The following HUS1 variants were observed in gnomAD, a reference collection of about 807,000 sequenced individuals.
The protein encoded by HUS1 is checkpoint protein HUS1.
HUS1 carries 31 observed loss-of-function variants against 32.6 expected under a neutral mutation model. The observed-to-expected ratio is 0.95, with a 90% CI of 0.72 to 1.28. The LOEUF (loss-of-function observed/expected upper bound fraction) is 1.28. HUS1 is among the 50% of genes most tolerant of loss of function. The pLI, the probability that HUS1 is intolerant of heterozygous loss-of-function variation, is 0.00. For synonymous variants in HUS1, 123 were observed against 116.6 expected (o/e 1.06, Z -0.36); for missense variants, 340 against 337.7 (o/e 1.01, Z -0.05).
At position 47,963,544 on chromosome 7, in the gene HUS1, G is replaced by C. The variant is rs771877914; in HGVS notation, c.*1812C>G. Reference sequence around the variant, plus strand: ...ATTTCGTTACAATGAGAGGAGGAAGGGTTTAAAAATTAAAACGGTGTCTTC... The same window carrying C: ...ATTTCGTTACAATGAGAGGAGGAAGCGTTTAAAAATTAAAACGGTGTCTTC... On this transcript the variant is annotated 3_prime_UTR_variant, in exon 8 of 8. Coordinates refer to ENST00000258774, the MANE Select transcript of HUS1 (RefSeq NM_004507.4). The C allele has an allele frequency of 6.6e-6, 1 of 151,968 alleles. No individual in the cohort carries two copies. The highest frequency in any genetic ancestry group is 2.4e-5 in the African/African-American group (1 of 41,352). The allele number at this position is 151,968 out of a possible 1,614,324, so 9.4% of individuals were successfully genotyped here.
intron 5 of HUS1, among the ~76,000 whole-genome samples, chr7:47,974,083 T>C (rs1379519387): frequency 6.6e-6 from 1 of 152,218 alleles, no homozygotes; most frequent in Non-Finnish European, 1.5e-5. Flanking sequence ...AATGACAGCA[T>C]TGCTCTTAGT....
At chr7:47,973,177 T>A (rs1400123564) in intron 5 of HUS1, among the ~76,000 whole-genome samples, 2 of 152,232 alleles carry the variant, frequency 1.3e-5, no homozygotes, top group African/African-American at 4.8e-5. Context: ...TACAGGACTG[T>A]GAGTCAATTA....
intron 1 of HUS1, 144 bp from the exon 2 acceptor site, chr7:47,978,960 A>C: frequency 1.3e-6 from 1 of 750,712 alleles, no homozygotes; most frequent in Non-Finnish European, 2.2e-6. Context: ...AAAGTACTTT[A>C]ATACCCCTGA....
intron 5 of HUS1, among the ~76,000 whole-genome samples, chr7:47,970,719 G>T (rs1178679292): frequency 2.0e-5 from 3 of 152,168 alleles, no homozygotes; most frequent in Non-Finnish European, 4.4e-5. Flanking sequence ...CAATTGGATT[G>T]AAAGAAAAAT....
chr7:47,968,890 G>GT (rs72565167), intron 6 of HUS1: 101,548 of 214,342 alleles, frequency 0.47, 25,039 homozygotes, highest in East Asian at 0.53. Flanking sequence ...TCCATGCCAG[G>GT]TGAGAAATAG....
intron 6 of HUS1, among the ~76,000 whole-genome samples, chr7:47,968,444 TA>T (rs1191018103): frequency 1.3e-5 from 2 of 152,222 alleles, no homozygotes; most frequent in Non-Finnish European, 2.9e-5. Context: ...TGCTCTTAAC[TA>T]GAAAGTAAAA....
rs1159182312 is a variant in HUS1, at chr7:47,963,368, A to AT, written c.*1987dup. ...GCCATTCATTAAAATCTTCAAAATT[A>AT]TATGTATTTGATAATAAACATCACA... On this transcript the variant is annotated 3_prime_UTR_variant, in exon 8 of 8. Transcript: ENST00000258774. 2 of 152,256 alleles carry AT rather than the reference A, an allele frequency of 1.3e-5. No homozygotes were observed. Among genetic ancestry groups the AT allele is most frequent in the Non-Finnish European group, 2.9e-5 (2 of 68,050 alleles). 9.4% of individuals were successfully genotyped at this position (152,256 alleles called of 1,614,324 possible).
chr7:47,965,641 CGAG>C (rs1240385477), intron 7 of HUS1, among the ~76,000 whole-genome samples: 1 of 152,158 alleles, frequency 6.6e-6, no homozygotes, highest in South Asian at 2.1e-4. Flanking sequence ...GCTCCCTGTG[CGAG>C]GAGAGGAAAA....
At position 47,965,421 on chromosome 7, in the gene HUS1, T is replaced by G; in HGVS notation, c.778A>C (p.Met260Leu). ...TCATGAAGCAGATCAAAATGCACCA[T>G]CTTGTTATTCACAATATCTGGGAAG... ...KALCNIVNNK[M>L]VHFDLLHEDV... Residue 260 changes from methionine to leucine, a missense_variant, in exon 8 of 8, where the codon ATG (methionine) becomes CTG (leucine). By Grantham distance (15) the Met-to-Leu change is conservative (BLOSUM62 2). Coordinates refer to ENST00000258774, the MANE Select transcript of HUS1 (RefSeq NM_004507.4). 6.2e-7 allele frequency: 1 copy of G among 1,612,594 alleles called. No individual in the cohort carries two copies.
At chr7:47,970,885 A>G (rs1361613571) in intron 5 of HUS1, among the ~76,000 whole-genome samples, 1 of 152,214 alleles carries the variant, frequency 6.6e-6, no homozygotes, top group African/African-American at 2.4e-5. Flanking sequence ...AACACATGAT[A>G]ACCAATGAAA....
chr7:47,979,522 C>A lies in HUS1; in HGVS notation c.-3G>T. Reference sequence around the variant, plus strand: ...ACGATCTTGGCCCGAAACTTCATGGCCGCGGATGGCGCAGCCGCGGCGGGC... The same window carrying A: ...ACGATCTTGGCCCGAAACTTCATGGACGCGGATGGCGCAGCCGCGGCGGGC... On this transcript the variant is annotated 5_prime_UTR_variant, in exon 1 of 8. Coordinates refer to ENST00000258774, the MANE Select transcript of HUS1 (RefSeq NM_004507.4). The A allele has an allele frequency of 6.2e-7, 1 of 1,609,270 alleles. No homozygotes were observed.
intron 5 of HUS1, among the ~76,000 whole-genome samples, chr7:47,970,837 G>A (rs1489658022): frequency 6.6e-6 from 1 of 152,164 alleles, no homozygotes; most frequent in Non-Finnish European, 1.5e-5. Context: ...ATATACACCA[G>A]CAGACAATGC....
In HUS1 at chr7:47,971,011, A is replaced by G. The variant is rs916271863; in HGVS notation, c.541-1693T>C. On this transcript the variant is annotated intron_variant, in intron 5 of 7. Transcript: ENST00000258774. ...GTGTGAGCCTTATTTTGACCTTTAGAACCAAAACTAAACAACAGGAATGAA... is the reference window on the plus strand; with the variant it reads ...GTGTGAGCCTTATTTTGACCTTTAGGACCAAAACTAAACAACAGGAATGAA... Among the ~76,000 whole-genome samples the G allele has an allele frequency of 3.9e-5, 6 of 152,216 alleles. No homozygotes were observed. The South Asian group carries it at 6.2e-4, about 16-fold the overall frequency.
chr7:47,966,102 G>A (rs760357549), intron 7 of HUS1, among the ~76,000 whole-genome samples: 2 of 141,698 alleles, frequency 1.4e-5, no homozygotes, highest in Admixed American at 7.2e-5. Context: ...CAGGAGATGG[G>A]AGGTTGGGGA....
intron 1 of HUS1, chr7:47,979,041 A>G (rs540769656): frequency 1.9e-5 from 11 of 571,640 alleles, no homozygotes; most frequent in Non-Finnish European, 3.1e-5. Flanking sequence ...ATAAGAAAAC[A>G]GGCACCTACC....
In HUS1 at chr7:47,979,586, C is replaced by G. The variant is rs1044544136; in HGVS notation, c.-67G>C. 7.8e-6 allele frequency: 10 copies of G among 1,284,318 alleles called. No homozygotes were observed. Among genetic ancestry groups the G allele is most frequent in the Non-Finnish European group, 1.1e-5 (10 of 889,142 alleles). The allele number at this position is 1,284,318 out of a possible 1,614,324, so 79.6% of individuals were successfully genotyped here. A position where few individuals can be genotyped will look rare whatever the true frequency, so the allele number is the denominator to read the frequency against. On this transcript the variant is annotated 5_prime_UTR_variant, in exon 1 of 8. Transcript: ENST00000258774. Reference sequence around the variant, plus strand: ...AGAAAAGCGTCGCGCCCTGAGTGTCCCCGCCCGGAAACACGGCAGCGCGAA... The same window carrying G: ...AGAAAAGCGTCGCGCCCTGAGTGTCGCCGCCCGGAAACACGGCAGCGCGAA...
intron 5 of HUS1, among the ~76,000 whole-genome samples, chr7:47,975,379 C>G (rs1007343571): frequency 1.1e-4 from 17 of 150,772 alleles, no homozygotes; most frequent in African/African-American, 3.6e-4. Context: ...GAAAAACAGG[C>G]AGATTAAAGG....
chr7:47,976,242 A>G, intron 4 of HUS1: 1 of 414,302 alleles, frequency 2.4e-6, no homozygotes, highest in South Asian at 1.7e-5. Context: ...TTTCTTCTTA[A>G]ACAAATTGTG....
At chr7:47,966,307 G>A (rs1235374899) in intron 7 of HUS1, among the ~76,000 whole-genome samples, 1 of 152,152 alleles carries the variant, frequency 6.6e-6, no homozygotes, top group Non-Finnish European at 1.5e-5. Flanking sequence ...AACCCACGGT[G>A]TTTTAAAAAA....
Sources: allele counts gnomAD v4.1 joint callset (sites outside exome capture counted in the v4.1 genomes callset), GRCh38; gene constraint gnomAD v4.1.1; transcripts MANE v1.5; gene names NCBI Gene and HGNC (gene_info 2026-07-23, HGNC 2026-07-21).